The following ATE1 variants were observed in gnomAD, a reference collection of about 807,000 sequenced individuals.
ATE1 encodes arginyl-tRNA--protein transferase 1.
A neutral mutation model predicts 70.5 loss-of-function variants in ATE1; 36 were observed. The observed-to-expected ratio is 0.51, with a 90% CI of 0.39 to 0.67. ATE1 has a LOEUF of 0.67. ATE1 is among the 30% of genes least tolerant of loss of function. The probability of loss-of-function intolerance (pLI) is 0.00; values close to 1 mark genes in which losing one functional copy is unlikely to be tolerated. For missense variants in ATE1, 593 were observed against 629.5 expected, an observed-to-expected ratio of 0.94 and a Z score of 0.62; for synonymous variants, 232 against 219.3, an observed-to-expected ratio of 1.06 and a Z score of -0.51.
intron 11 of ATE1, among the ~76,000 whole-genome samples, chr10:121,747,447 C>T (rs1195081230): frequency 6.6e-6 from 1 of 152,132 alleles, no homozygotes; most frequent in Non-Finnish European, 1.5e-5. Flanking sequence ...ATTTTCCCCC[C>T]AAACCTCTCC....
At position 121,911,294 on chromosome 10, in the gene ATE1, G is replaced by C; in HGVS notation, c.338-143C>G. 10 of 1,072,552 alleles carry C rather than the reference G, an allele frequency of 9.3e-6. No homozygotes were observed. In the South Asian group the frequency reaches 1.3e-4, roughly 14 times the overall value. The allele number at this position is 1,072,552 out of a possible 1,614,324, so 66.4% of individuals were successfully genotyped here. On this transcript the variant is annotated intron_variant, in intron 4 of 11. Transcript: ENST00000224652. ...TCCATTCTCATCCTCCAAAATAAGA[G>C]AGCTGCACTTAAGACTGGCACAGCT...
intron 10 of ATE1, among the ~76,000 whole-genome samples, chr10:121,807,027 T>G (rs1022731717): frequency 6.6e-6 from 1 of 152,168 alleles, no homozygotes; most frequent in Non-Finnish European, 1.5e-5. Context: ...ATGTTGATCC[T>G]CTCCAAGAGC....
At chr10:121,794,661 T>TTA (rs1554894212) in intron 10 of ATE1, among the ~76,000 whole-genome samples, 2 of 65,730 alleles carry the variant, frequency 3.0e-5, no homozygotes, top group East Asian at 5.1e-4. Context: ...GAATGTCTGG[T>TTA]AAAAAAAAAA....
At chr10:121,763,415 C>T (rs559127171) in intron 11 of ATE1, among the ~76,000 whole-genome samples, 216 of 152,054 alleles carry the variant, frequency 1.4e-3, no homozygotes, top group Middle Eastern at 3.4e-3. Context: ...CAGAATATTA[C>T]GCAGCAATAA....
chr10:121,927,696 C>T, intron 1 of ATE1, 148 bp downstream of exon 1: 4 of 1,326,160 alleles, frequency 3.0e-6, no homozygotes, highest in Non-Finnish European at 2.9e-6. Context: ...GCTAAGCCGG[C>T]GCCGCGGCCC....
At chr10:121,796,298 G>T (rs562142772) in intron 10 of ATE1, among the ~76,000 whole-genome samples, 2 of 152,008 alleles carry the variant, frequency 1.3e-5, no homozygotes, top group Admixed American at 1.3e-4. Flanking sequence ...AAAAAATAAC[G>T]TTTAAAAATA....
At chr10:121,844,859 T>A (rs1480178359) in intron 8 of ATE1, among the ~76,000 whole-genome samples, 1 of 152,052 alleles carries the variant, frequency 6.6e-6, no homozygotes, top group African/African-American at 2.4e-5. Flanking sequence ...TATAGGCATG[T>A]CTCATTTAAT....
intron 7 of ATE1, among the ~76,000 whole-genome samples, chr10:121,897,696 C>T (rs551394925): frequency 1.3e-4 from 20 of 152,066 alleles, no homozygotes; most frequent in Non-Finnish European, 2.5e-4. Context: ...TGTGGTGGCA[C>T]GCGCCTGTAG....
chr10:121,790,004 G>A (rs962913755), intron 11 of ATE1, among the ~76,000 whole-genome samples, 165 bp downstream of exon 11: 23 of 145,372 alleles, frequency 1.6e-4, no homozygotes, highest in Non-Finnish European at 2.6e-4. Flanking sequence ...GAGTTTGTGT[G>A]CATGTGCAAA....
At chr10:121,836,463 CGA>C (rs999965974) in intron 10 of ATE1, among the ~76,000 whole-genome samples, 1 of 152,094 alleles carries the variant, frequency 6.6e-6, no homozygotes, top group African/African-American at 2.4e-5. Flanking sequence ...GTTTCATTAA[CGA>C]GAGTCATAAA....
rs1275886552 is a variant in ATE1 at position 121,740,592 on chromosome 10, A to C, written c.*3088T>G. ...CACTTGAATAACTTCTAATTCAAAC[A>C]TTTTCCAACTGTTTCTACTTCATTT... On this transcript the variant is annotated 3_prime_UTR_variant, in exon 12 of 12. Coordinates refer to ENST00000224652, the MANE Select transcript of ATE1 (RefSeq NM_001001976.3). 6.6e-6 allele frequency: 1 copy of C among 152,132 alleles called. No homozygotes were observed. The highest frequency in any genetic ancestry group is 2.4e-5 in the African/African-American group (1 of 41,426). 9.4% of individuals were successfully genotyped at this position (152,132 alleles called of 1,614,324 possible).
chr10:121,746,242 A>C (rs928408879), intron 11 of ATE1, among the ~76,000 whole-genome samples: 1 of 152,180 alleles, frequency 6.6e-6, no homozygotes, highest in Non-Finnish European at 1.5e-5. Flanking sequence ...CCTTTCCATT[A>C]GGAATAAAGT....
At chr10:121,918,422 T>C (rs985295481) in intron 3 of ATE1, among the ~76,000 whole-genome samples, 3 of 151,994 alleles carry the variant, frequency 2.0e-5, no homozygotes, top group Non-Finnish European at 4.4e-5. Context: ...AAAAATCACA[T>C]AACTACTTTA....
At chr10:121,756,126 G>A (rs1944789433) in intron 11 of ATE1, among the ~76,000 whole-genome samples, 1 of 152,150 alleles carries the variant, frequency 6.6e-6, no homozygotes, top group Admixed American at 6.5e-5. Context: ...GGGAGAAATT[G>A]GCCAAAACAA....
chr10:121,854,845 T>C (rs1488932408), intron 8 of ATE1, among the ~76,000 whole-genome samples: 4 of 152,152 alleles, frequency 2.6e-5, no homozygotes, highest in Non-Finnish European at 4.4e-5. Flanking sequence ...ACAGAAGCCT[T>C]TGTTCTTGGT....
At position 121,743,864 on chromosome 10, in the gene ATE1, ACG is replaced by A; in HGVS notation, c.1379-8_1379-7del. The A allele has an allele frequency of 6.3e-7, 1 of 1,584,694 alleles. No individual in the cohort carries two copies. Among genetic ancestry groups the A allele is most frequent in the African/African-American group, 1.4e-5 (1 of 73,212 alleles). On this transcript the variant is annotated splice_region_variant and splice_polypyrimidine_tract_variant and intron_variant, in intron 11 of 11. Coordinates refer to ENST00000224652, the MANE Select transcript of ATE1 (RefSeq NM_001001976.3). ...CGTACTGCGATCCTCATCCACTGCA[ACG>A]ACAAAAAATACTGATTTGTAAAATG...
chr10:121,762,684 G>A (rs1267359743), intron 11 of ATE1, among the ~76,000 whole-genome samples: 1 of 152,180 alleles, frequency 6.6e-6, no homozygotes, highest in Non-Finnish European at 1.5e-5. Context: ...GTTGAGGACT[G>A]GTTCCACTTT....
At chr10:121,926,564 G>A (rs1489221760) in intron 1 of ATE1, among the ~76,000 whole-genome samples, 1 of 152,124 alleles carries the variant, frequency 6.6e-6, no homozygotes, top group African/African-American at 2.4e-5. Flanking sequence ...ATTTATGTTA[G>A]CCAATTTTCT....
chr10:121,869,121 A>T (rs1367781969), intron 8 of ATE1, among the ~76,000 whole-genome samples: 3 of 152,220 alleles, frequency 2.0e-5, no homozygotes, highest in African/African-American at 7.2e-5. Context: ...TAGTGCCATG[A>T]TGTGACTAGC....
Sources: allele counts gnomAD v4.1 joint callset (sites outside exome capture counted in the v4.1 genomes callset), GRCh38; gene constraint gnomAD v4.1.1; transcripts MANE v1.5; gene names NCBI Gene and HGNC (gene_info 2026-07-23, HGNC 2026-07-21).